Variants in TNKS2 observed in about 807,000 individuals in gnomAD.
The protein encoded by TNKS2 is tankyrase 2.
Under a neutral mutation model 137.6 loss-of-function variants are expected in TNKS2, and 72 were observed. The observed-to-expected ratio is 0.52, with a 90% confidence interval of 0.43 to 0.64. TNKS2 has a LOEUF of 0.64. Among genes scored for constraint, TNKS2 ranks in the 30% least tolerant of loss-of-function variants. The pLI is 0.00. For synonymous variants in TNKS2, 516 were observed against 512.1 expected (o/e 1.01, Z -0.10); for missense variants, 1,049 against 1,410.2 (o/e 0.74, Z 4.10).
chr10:91,816,165 G>T (rs1303956411), intron 2 of TNKS2, among the ~76,000 whole-genome samples: 4 of 151,904 alleles, frequency 2.6e-5, no homozygotes, highest in African/African-American at 9.7e-5. Context: ...AGCCAGGATG[G>T]TCTCGATCTC....
intron 20 of TNKS2, 111 bp downstream of exon 20, chr10:91,849,705 T>C: frequency 1.3e-6 from 1 of 773,998 alleles, no homozygotes; most frequent in Non-Finnish European, 1.9e-6. Flanking sequence ...GAGAATGTTT[T>C]TTAAGAAATG....
chr10:91,835,592 C>CTTTTTTTTTTTTTTTTTTTATT (rs1841984131), intron 12 of TNKS2, among the ~76,000 whole-genome samples: 1 of 109,428 alleles, frequency 9.1e-6, no homozygotes, highest in Non-Finnish European at 1.8e-5. Flanking sequence ...CCCGGCCTTT[C>CTTTTTTTTTTTTTTTTTTTATT]TTTTTTTTTT....
chr10:91,840,165 C>G (rs1842165810), intron 13 of TNKS2, among the ~76,000 whole-genome samples: 2 of 152,134 alleles, frequency 1.3e-5, no homozygotes, highest in South Asian at 4.1e-4. Flanking sequence ...CATGGTGAAA[C>G]CCCGCCTCTA....
At chr10:91,828,811 CCTT>C (rs1845146793) in intron 9 of TNKS2, among the ~76,000 whole-genome samples, 2 of 152,050 alleles carry the variant, frequency 1.3e-5, no homozygotes, top group Admixed American at 1.3e-4. Flanking sequence ...GTAGTCCCTT[CCTT>C]CTTCAAAATT....
intron 1 of TNKS2, among the ~76,000 whole-genome samples, chr10:91,808,044 T>G (rs1844387228): frequency 6.7e-6 from 1 of 149,412 alleles, no homozygotes; most frequent in African/African-American, 2.5e-5. Flanking sequence ...AATTACAAAT[T>G]TTAATAAGTG....
At chr10:91,828,502 C>T in intron 9 of TNKS2, 96 bp downstream of exon 9, 2 of 1,238,912 alleles carry the variant, frequency 1.6e-6, no homozygotes, top group Non-Finnish European at 1.1e-6. Context: ...TTTTTTGAGT[C>T]TATAGTTTTA....
chr10:91,831,885 A>C (rs185467568), intron 11 of TNKS2, among the ~76,000 whole-genome samples: 1 of 152,322 alleles, frequency 6.6e-6, no homozygotes, highest in African/African-American at 2.4e-5. Flanking sequence ...CAAAATCTTT[A>C]GTTGAAATTC....
At chr10:91,855,187 CTT>C (rs1050247554) in intron 22 of TNKS2, 61 bp downstream of exon 22, 7 of 1,050,830 alleles carry the variant, frequency 6.7e-6, no homozygotes, top group Admixed American at 3.8e-5. Flanking sequence ...TTTGTATCCT[CTT>C]GTTTCTTTTT....
intron 1 of TNKS2, among the ~76,000 whole-genome samples, chr10:91,801,482 T>TTC (rs1844165743): frequency 6.6e-6 from 1 of 150,654 alleles, no homozygotes; most frequent in East Asian, 1.9e-4. Flanking sequence ...GAATTTTTCT[T>TTC]TTTTTTTTTG....
chr10:91,804,205 C>T (rs1564600661), intron 1 of TNKS2, among the ~76,000 whole-genome samples: 1 of 152,060 alleles, frequency 6.6e-6, no homozygotes, highest in African/African-American at 2.4e-5. Flanking sequence ...CCTATTCCAG[C>T]AGAGTATTAG....
chr10:91,863,081 A>G lies in TNKS2; in HGVS notation c.*82A>G. The G allele has an allele frequency of 1.0e-6, 1 of 990,292 alleles. No individual in the cohort carries two copies. Among genetic ancestry groups the G allele is most frequent in the Non-Finnish European group, 1.5e-6 (1 of 651,104 alleles). 61.3% of individuals were successfully genotyped at this position (990,292 alleles called of 1,614,324 possible). A position where few individuals can be genotyped will look rare whatever the true frequency, so the allele number is the denominator to read the frequency against. The stretch of plus-strand genomic sequence containing the variant: ...CCTCTACGTTTTACTCCTTTGCTGA[A>G]AAAAAATCATCTTGCCCACAGGCCT... On this transcript the variant is annotated 3_prime_UTR_variant, in exon 27 of 27. Coordinates refer to ENST00000371627, the MANE Select transcript of TNKS2 (RefSeq NM_025235.4).
chr10:91,844,133 A>T (rs1353446680), intron 16 of TNKS2, among the ~76,000 whole-genome samples: 1 of 152,176 alleles, frequency 6.6e-6, no homozygotes, highest in Non-Finnish European at 1.5e-5. Context: ...ACTTAACATT[A>T]CTGTGTCCAA....
intron 2 of TNKS2, among the ~76,000 whole-genome samples, chr10:91,815,039 A>C (rs1266272261): frequency 6.6e-6 from 1 of 152,136 alleles, no homozygotes; most frequent in African/African-American, 2.4e-5. Context: ...AAAAATATAC[A>C]GTATGTGAGA....
At chr10:91,799,990 T>A (rs528151362) in intron 1 of TNKS2, among the ~76,000 whole-genome samples, 2 of 152,298 alleles carry the variant, frequency 1.3e-5, no homozygotes, top group Admixed American at 6.5e-5. Flanking sequence ...GATATTACTT[T>A]TACACTTTCT....
chr10:91,807,195 G>T, intron 1 of TNKS2: 1 of 1,607,072 alleles, frequency 6.2e-7, no homozygotes, highest in Non-Finnish European at 8.5e-7. Context: ...AGTTTCCATG[G>T]TAACATTGCG....
At chr10:91,853,398 A>T (rs1399326546) in intron 21 of TNKS2, among the ~76,000 whole-genome samples, 2 of 152,224 alleles carry the variant, frequency 1.3e-5, no homozygotes, top group Non-Finnish European at 2.9e-5. Flanking sequence ...GGGTTACTTT[A>T]CTACATAAAG....
At chr10:91,850,511 G>A (rs2133670486) in intron 20 of TNKS2, among the ~76,000 whole-genome samples, 1 of 152,190 alleles carries the variant, frequency 6.6e-6, no homozygotes, top group South Asian at 2.1e-4. Flanking sequence ...CTGAGGTCAG[G>A]AGTTCAAGAC....
At chr10:91,858,557 T>TC (rs941563585) in intron 24 of TNKS2, among the ~76,000 whole-genome samples, 8 of 152,218 alleles carry the variant, frequency 5.3e-5, no homozygotes, top group African/African-American at 1.9e-4. Context: ...ACTTTTTCCA[T>TC]CCCCCACTCT....
chr10:91,802,667 C>T (rs184662836), intron 1 of TNKS2, among the ~76,000 whole-genome samples: 38 of 152,312 alleles, frequency 2.5e-4, no homozygotes, highest in African/African-American at 8.9e-4. Flanking sequence ...ATATCTTTTC[C>T]CAAAATGATA....
Sources: gnomAD v4.1 joint callset for allele counts (sites outside exome capture counted in the v4.1 genomes callset) on GRCh38, gnomAD v4.1.1 for gene constraint, MANE v1.5 for transcripts, NCBI Gene and HGNC (gene_info 2026-07-23, HGNC 2026-07-21) for gene names.